RIPK2: variants seen among roughly 807,000 people sequenced by gnomAD.
The protein encoded by RIPK2 is receptor-interacting serine/threonine-protein kinase 2.
RIPK2 carries 38 observed loss-of-function variants against 60.9 expected under a neutral mutation model. That is an observed-to-expected ratio of 0.62 (90% CI 0.48 to 0.82). The LOEUF (loss-of-function observed/expected upper bound fraction) is 0.82, where lower values mean the gene tolerates loss of function less well. Ranked by LOEUF, RIPK2 falls within the 40% of genes least tolerant of loss-of-function variation. RIPK2 has a pLI of 0.00. For synonymous variants in RIPK2, 225 were observed against 223.4 expected (o/e 1.01, Z -0.06); for missense variants, 518 against 647.0 (o/e 0.80, Z 2.16).
chr8:89,769,852 G>T lies in RIPK2; in HGVS notation c.564G>T (p.Gly188=). 1 of 1,608,936 alleles carries T rather than the reference G, an allele frequency of 6.2e-7. No individual in the cohort carries two copies. Among genetic ancestry groups the T allele is most frequent in the South Asian group, 1.1e-5 (1 of 90,588 alleles). The change falls in exon 4 of 11, where the codon GGG becomes GGT. Residue 188 remains glycine, a synonymous_variant. Transcript: ENST00000220751. ...GTAGCAAATCTGCACCAGAAGGAGG[G>T]ACAATTATCTATATGCCACCTGAAA... ...SRSSKSAPEG[G]TIIYMPPENY...
At chr8:89,773,946 T>C (rs1427634897) in intron 6 of RIPK2, among the ~76,000 whole-genome samples, 1 of 152,152 alleles carries the variant, frequency 6.6e-6, no homozygotes, top group Non-Finnish European at 1.5e-5. Flanking sequence ...AGGCATTTAG[T>C]GTCCACGACT....
chr8:89,785,583 TTA>T (rs888571013), intron 8 of RIPK2, among the ~76,000 whole-genome samples: 35 of 152,296 alleles, frequency 2.3e-4, no homozygotes, highest in Non-Finnish European at 7.4e-5. Context: ...AGATATCTCG[TTA>T]TATATATACA....
intron 6 of RIPK2, among the ~76,000 whole-genome samples, chr8:89,777,228 T>C (rs1193977436): frequency 1.3e-5 from 2 of 152,194 alleles, no homozygotes; most frequent in African/African-American, 4.8e-5. Flanking sequence ...ATCTTGAGCA[T>C]AGGAGAAAGG....
At chr8:89,759,845 T>G (rs1439058776) in intron 1 of RIPK2, among the ~76,000 whole-genome samples, 4 of 152,236 alleles carry the variant, frequency 2.6e-5, no homozygotes, top group Non-Finnish European at 4.4e-5. Flanking sequence ...CCTCCCACTT[T>G]GGGTGCTGCT....
chr8:89,772,752 AC>A lies in RIPK2; in HGVS notation c.779del (p.Pro260LeufsTer6). The A allele has an allele frequency of 1.2e-6, 2 of 1,612,018 alleles. No individual in the cohort carries two copies. Among genetic ancestry groups the A allele is most frequent in the Non-Finnish European group, 1.7e-6 (2 of 1,178,526 alleles). The stretch of plus-strand genomic sequence containing the variant: ...ATGAAGAAAGTTTGCCATATGATAT[AC>A]CTCACCGAGCACGTATGATCTCTCT... ...INEESLPYDI[P>X]HRARMISLIE... On this transcript the variant is annotated frameshift_variant, in exon 6 of 11. Transcript: ENST00000220751. LOFTEE classifies it high-confidence loss of function.
intron 3 of RIPK2, among the ~76,000 whole-genome samples, chr8:89,766,106 T>C (rs1809226015): frequency 6.6e-6 from 1 of 151,890 alleles, no homozygotes; most frequent in Non-Finnish European, 1.5e-5. Flanking sequence ...TAGTATGTGA[T>C]ATTTTGAGAT....
chr8:89,786,485 T>G (rs60327583), intron 8 of RIPK2, 108 bp from the exon 9 acceptor site: 1 of 700,752 alleles, frequency 1.4e-6, no homozygotes. Flanking sequence ...AAAAAAAAAA[T>G]TAGTAGTTTT....
chr8:89,761,047 G>GAGAGA (rs1346215787), intron 1 of RIPK2, among the ~76,000 whole-genome samples: 1 of 152,216 alleles, frequency 6.6e-6, no homozygotes, highest in Non-Finnish European at 1.5e-5. Context: ...GACAGAGAAT[G>GAGAGA]AGAGAAGCTT....
At chr8:89,763,931 T>C (rs773179757) in intron 2 of RIPK2, among the ~76,000 whole-genome samples, 1 of 152,168 alleles carries the variant, frequency 6.6e-6, no homozygotes, top group Admixed American at 6.5e-5. Flanking sequence ...GAAATGAGTA[T>C]AAGTAGAAAT....
intron 1 of RIPK2, among the ~76,000 whole-genome samples, chr8:89,762,190 ATAGT>A (rs958562443): frequency 1.1e-4 from 17 of 152,206 alleles, no homozygotes; most frequent in African/African-American, 3.9e-4. Flanking sequence ...AGAAAAAAAA[ATAGT>A]TAAATATATA....
chr8:89,763,031 A>C, intron 2 of RIPK2, 49 bp downstream of exon 2: 1 of 1,179,936 alleles, frequency 8.5e-7, no homozygotes, highest in Non-Finnish European at 1.1e-6. Flanking sequence ...TTTACTATTC[A>C]AACTATATTT....
At chr8:89,781,452 G>A (rs1241927006) in intron 7 of RIPK2, among the ~76,000 whole-genome samples, 4 of 150,606 alleles carry the variant, frequency 2.7e-5, no homozygotes, top group Non-Finnish European at 4.4e-5. Context: ...CTGCAACCTC[G>A]AAGTGCTGGG....
intron 6 of RIPK2, among the ~76,000 whole-genome samples, chr8:89,776,655 G>T (rs528424057): frequency 6.6e-6 from 1 of 152,170 alleles, no homozygotes; most frequent in South Asian, 2.1e-4. Flanking sequence ...AACCACCCCC[G>T]CCAGGGGTCC....
intron 7 of RIPK2, among the ~76,000 whole-genome samples, chr8:89,782,779 T>C (rs1586132073): frequency 6.6e-6 from 1 of 152,350 alleles, no homozygotes; most frequent in East Asian, 1.9e-4. Context: ...TCTTGAATAA[T>C]AAACACTGAA....
intron 7 of RIPK2, among the ~76,000 whole-genome samples, 200 bp from the exon 8 acceptor site, chr8:89,783,850 G>A (rs1809539799): frequency 6.6e-6 from 1 of 152,054 alleles, no homozygotes; most frequent in African/African-American, 2.4e-5. Context: ...TATGAGCCAG[G>A]ATTCAAAGTC....
intron 6 of RIPK2, among the ~76,000 whole-genome samples, chr8:89,778,039 G>T (rs1809430415): frequency 6.6e-6 from 1 of 151,684 alleles, no homozygotes; most frequent in South Asian, 2.1e-4. Context: ...CTACTGAAAA[G>T]AAATGAAAAG....
At chr8:89,789,297 T>G (rs1408219358) in intron 9 of RIPK2, 24 bp from the exon 10 acceptor site, 1 of 1,605,592 alleles carries the variant, frequency 6.2e-7, no homozygotes, top group Non-Finnish European at 8.5e-7. Flanking sequence ...ATTCTACTTC[T>G]AATGAAGATG....
intron 8 of RIPK2, among the ~76,000 whole-genome samples, chr8:89,785,467 T>C (rs75517349): frequency 0.074 from 11,200 of 152,052 alleles, 1,240 homozygotes; most frequent in African/African-American, 0.24. Context: ...TTGTTTCAGG[T>C]ATAAAATTAT....
At chr8:89,767,149 T>A (rs1379686232) in intron 3 of RIPK2, among the ~76,000 whole-genome samples, 1 of 151,774 alleles carries the variant, frequency 6.6e-6, no homozygotes, top group East Asian at 1.9e-4. Flanking sequence ...TAATCTGTGA[T>A]CCACCTTGAA....
Sources: gnomAD v4.1 joint callset for allele counts (sites outside exome capture counted in the v4.1 genomes callset) on GRCh38, gnomAD v4.1.1 for gene constraint, MANE v1.5 for transcripts, NCBI Gene and HGNC (gene_info 2026-07-23, HGNC 2026-07-21) for gene names.